Variants in DCN observed in about 807,000 individuals in gnomAD.
DCN encodes bone proteoglycan II.
Under a neutral mutation model 36.5 loss-of-function variants are expected in DCN, and 17 were observed. That is an observed-to-expected ratio of 0.47 (90% CI 0.32 to 0.70). The LOEUF (loss-of-function observed/expected upper bound fraction) is 0.70. Ranked by LOEUF, DCN falls within the 30% of genes least tolerant of loss-of-function variation. The probability of loss-of-function intolerance (pLI) is 0.04; values close to 1 mark genes in which losing one functional copy is unlikely to be tolerated. For missense variants in DCN, 389 were observed against 430.1 expected, an observed-to-expected ratio of 0.90 and a Z score of 0.84; for synonymous variants, 163 against 161.4, an observed-to-expected ratio of 1.01 and a Z score of -0.07.
chr12:91,162,093 A>C (rs1318506622), intron 3 of DCN, among the ~76,000 whole-genome samples: 1 of 152,054 alleles, frequency 6.6e-6, no homozygotes, highest in African/African-American at 2.4e-5. Flanking sequence ...GGAGCGCGCC[A>C]CCATGCCCAG....
At chr12:91,148,236 G>T (rs1881163640) in intron 7 of DCN, among the ~76,000 whole-genome samples, 1 of 151,840 alleles carries the variant, frequency 6.6e-6, no homozygotes, top group Admixed American at 6.6e-5. Flanking sequence ...ACCACGCCCG[G>T]CTAATTTTTT....
intron 2 of DCN, chr12:91,169,702 TAAC>T (rs1882822222): frequency 6.6e-6 from 1 of 152,212 alleles, no homozygotes; most frequent in Non-Finnish European, 1.5e-5. Flanking sequence ...GCTCCTATAA[TAAC>T]ATTTTTTTAT....
chr12:91,162,575 TA>T (rs1217684731), intron 3 of DCN, among the ~76,000 whole-genome samples: 1 of 152,150 alleles, frequency 6.6e-6, no homozygotes, highest in Non-Finnish European at 1.5e-5. Flanking sequence ...AATAAATAAG[TA>T]GATATGAAAT....
At chr12:91,153,986 CT>C (rs894131823) in intron 5 of DCN, among the ~76,000 whole-genome samples, 3 of 151,996 alleles carry the variant, frequency 2.0e-5, no homozygotes, top group African/African-American at 7.2e-5. Context: ...TTTTATACAG[CT>C]TTTAAAATAA....
At chr12:91,167,936 T>C (rs1882691660) in intron 2 of DCN, among the ~76,000 whole-genome samples, 1 of 152,152 alleles carries the variant, frequency 6.6e-6, no homozygotes, top group Non-Finnish European at 1.5e-5. Context: ...CGCCTCCCGA[T>C]TCAAGCGATT....
intron 2 of DCN, chr12:91,170,006 G>T (rs551863492): frequency 1.3e-5 from 2 of 151,246 alleles, no homozygotes; most frequent in African/African-American, 4.9e-5. Context: ...GGAGCTTGCA[G>T]TGAGCCGAGA....
chr12:91,170,307 CTCTT>C (rs1882876781), intron 2 of DCN, among the ~76,000 whole-genome samples: 1 of 152,116 alleles, frequency 6.6e-6, no homozygotes, highest in African/African-American at 2.4e-5. Context: ...TCATCTGTAA[CTCTT>C]TCTTTTCTGT....
intron 6 of DCN, 67 bp from the exon 7 acceptor site, chr12:91,151,859 G>A: frequency 6.3e-7 from 1 of 1,584,574 alleles, no homozygotes; most frequent in Non-Finnish European, 8.7e-7. Context: ...GCATTGTGTA[G>A]TTAATCAAGT....
At chr12:91,182,593 G>T (rs555422852) in intron 1 of DCN, 62 bp downstream of exon 1, 9 of 150,520 alleles carry the variant, frequency 6.0e-5, no homozygotes, top group African/African-American at 2.2e-4. Flanking sequence ...CCTTTTGCTC[G>T]CAACTTGACC....
chr12:91,148,983 G>C (rs1000101216), intron 7 of DCN, among the ~76,000 whole-genome samples: 2 of 152,076 alleles, frequency 1.3e-5, no homozygotes, highest in African/African-American at 4.8e-5. Context: ...GTAAAGGAAG[G>C]GGTGTTTGGT....
At chr12:91,150,924 T>C (rs1592680318) in intron 7 of DCN, 1 of 152,208 alleles carries the variant, frequency 6.6e-6, no homozygotes, top group African/African-American at 2.4e-5. Context: ...TAAAAAGGAA[T>C]GGGATCATGT....
At chr12:91,150,866 G>A (rs368252075) in intron 7 of DCN, 2 of 152,150 alleles carry the variant, frequency 1.3e-5, no homozygotes, top group African/African-American at 4.8e-5. Context: ...ATGATAGACT[G>A]GATAAAGGAA....
chr12:91,172,459 G>A (rs1883028332), intron 2 of DCN: 2 of 197,508 alleles, frequency 1.0e-5, no homozygotes, highest in Non-Finnish European at 2.1e-5. Context: ...TTCTGCTCAA[G>A]GCAAGCATGT....
intron 2 of DCN, chr12:91,177,435 G>A (rs991470258): frequency 5.4e-5 from 33 of 615,490 alleles, no homozygotes; most frequent in Non-Finnish European, 8.4e-5. Flanking sequence ...TACACATGGC[G>A]GAATCATGAT....
At chr12:91,163,086 T>C (rs1399720356) in intron 3 of DCN, among the ~76,000 whole-genome samples, 1 of 152,212 alleles carries the variant, frequency 6.6e-6, no homozygotes, top group Non-Finnish European at 1.5e-5. Flanking sequence ...GAAGTCTGCC[T>C]TATTTATATT....
At chr12:91,147,580 A>G (rs1881109091) in intron 7 of DCN, among the ~76,000 whole-genome samples, 1 of 152,202 alleles carries the variant, frequency 6.6e-6, no homozygotes, top group African/African-American at 2.4e-5. Context: ...TATTTCATAT[A>G]TCAGGTCTAC....
In DCN at chr12:91,142,651, G is replaced by A. The variant is rs1028145884; in HGVS notation, c.*3407C>T. The A allele has an allele frequency of 6.6e-6, 1 of 152,172 alleles. No homozygotes were observed. The highest frequency in any genetic ancestry group is 1.5e-5 in the Non-Finnish European group (1 of 68,038). The allele number at this position is 152,172 out of a possible 1,614,324, so 9.4% of individuals were successfully genotyped here. On this transcript the variant is annotated 3_prime_UTR_variant, in exon 8 of 8. Transcript: ENST00000052754. ...TGCTTTAAAAGATCATGAATACTGT[G>A]TTCTGGAAAATCTGTGTCACTTGAA...
chr12:91,163,969 G>C (rs981074190), intron 3 of DCN, among the ~76,000 whole-genome samples: 1 of 152,080 alleles, frequency 6.6e-6, no homozygotes, highest in Non-Finnish European at 1.5e-5. Flanking sequence ...AAACGTGAGA[G>C]AGAATTAAGA....
intron 3 of DCN, 104 bp from the exon 4 acceptor site, chr12:91,158,613 TC>T (rs1881953688): frequency 1.3e-6 from 1 of 742,934 alleles, no homozygotes; most frequent in South Asian, 1.5e-5. Context: ...AGCAGAGAAA[TC>T]TAAAAAATTG....
Sources: gnomAD v4.1 joint callset for allele counts (sites outside exome capture counted in the v4.1 genomes callset) on GRCh38, gnomAD v4.1.1 for gene constraint, MANE v1.5 for transcripts, NCBI Gene and HGNC (gene_info 2026-07-23, HGNC 2026-07-21) for gene names.